The following MAEA variants were observed in gnomAD, a reference collection of about 807,000 sequenced individuals.
MAEA encodes macrophage erythroblast attacher, E3 ubiquitin ligase.
In MAEA, 22 loss-of-function variants were observed where a neutral mutation model predicts 46.2. The observed-to-expected ratio is 0.48, with a 90% CI of 0.34 to 0.68. The LOEUF (loss-of-function observed/expected upper bound fraction) is 0.68, where lower values mean the gene tolerates loss of function less well. Ranked by LOEUF, MAEA falls within the 30% of genes least tolerant of loss-of-function variation. MAEA has a pLI of 0.01. For missense variants in MAEA, 393 were observed against 558.1 expected, an observed-to-expected ratio of 0.70 and a Z score of 2.98; for synonymous variants, 246 against 222.6, an observed-to-expected ratio of 1.11 and a Z score of -0.94.
chr4:1,301,422 G>T (rs1450968692), intron 1 of MAEA, among the ~76,000 whole-genome samples: 1 of 152,238 alleles, frequency 6.6e-6, no homozygotes, highest in African/African-American at 2.4e-5. Context: ...TCGCTAAGTA[G>T]AGAAATCCCG....
intron 1 of MAEA, among the ~76,000 whole-genome samples, chr4:1,306,199 G>A (rs966535107): frequency 8.5e-5 from 13 of 152,206 alleles, no homozygotes; most frequent in Admixed American, 3.3e-4. Flanking sequence ...ACCTGGCAGC[G>A]TCAAATGGAC....
chr4:1,293,728 GA>G (rs1241482238), intron 1 of MAEA, among the ~76,000 whole-genome samples: 1 of 152,246 alleles, frequency 6.6e-6, no homozygotes, highest in Non-Finnish European at 1.5e-5. Flanking sequence ...GACAGGCTGA[GA>G]AACACCGGGC....
intron 1 of MAEA, among the ~76,000 whole-genome samples, chr4:1,305,146 G>A (rs192716869): frequency 5.3e-5 from 8 of 151,572 alleles, no homozygotes; most frequent in African/African-American, 1.7e-4. Context: ...TTGGTGGATC[G>A]TTAAGGTTTT....
rs144157862 is a variant in MAEA, at chr4:1,332,595, C to T, written c.657-162C>T. ...AGCTAGGTGTGGTGCTGCACATCTG[C>T]GGTCTCAGCTTCTCGGGAAGATCGC... On this transcript the variant is annotated intron_variant, in intron 5 of 8. Transcript: ENST00000303400. 1.2e-3 allele frequency: 695 copies of T among 567,068 alleles called. 8 individuals carry two copies. The highest frequency in any genetic ancestry group is 0.011 in the African/African-American group (592 of 52,542). 35.1% of individuals were successfully genotyped at this position (567,068 alleles called of 1,614,324 possible).
At chr4:1,317,844 C>T (rs756345841) in intron 3 of MAEA, among the ~76,000 whole-genome samples, 1 of 152,172 alleles carries the variant, frequency 6.6e-6, no homozygotes, top group Non-Finnish European at 1.5e-5. Context: ...CCGAAGTCTC[C>T]AGGTCATGAC....
At chr4:1,298,006 G>A (rs1261693224) in intron 1 of MAEA, 1 of 456,252 alleles carries the variant, frequency 2.2e-6, no homozygotes, top group Non-Finnish European at 4.4e-6. Context: ...ACTGGCCACA[G>A]AAGCCGCACC....
chr4:1,335,333 C>T (rs913110059), intron 6 of MAEA: 2 of 985,382 alleles, frequency 2.0e-6, no homozygotes, highest in Non-Finnish European at 2.4e-6. Context: ...ACAGGTTGCA[C>T]ACATTCCAGA....
intron 1 of MAEA, among the ~76,000 whole-genome samples, chr4:1,301,726 G>GTAAA (rs143016100): frequency 0.15 from 23,340 of 152,042 alleles, 3,437 homozygotes; most frequent in East Asian, 0.42. Context: ...AAGTGAATAA[G>GTAAA]TAAAAATAAA....
chr4:1,314,976 A>G (rs1007519388), intron 2 of MAEA, among the ~76,000 whole-genome samples: 2 of 152,226 alleles, frequency 1.3e-5, no homozygotes, highest in African/African-American at 2.4e-5. Context: ...GTTGGGCAGC[A>G]CAGGCCTGGA....
intron 1 of MAEA, chr4:1,298,127 T>C (rs1734946728): frequency 2.2e-6 from 1 of 454,216 alleles, no homozygotes; most frequent in South Asian, 1.6e-5. Context: ...TACTGTTCCA[T>C]ATGCCCCTCC....
In MAEA at chr4:1,338,425, G is replaced by C; in HGVS notation, c.903G>C (p.Gln301His). The C allele has an allele frequency of 6.2e-7, 1 of 1,611,302 alleles. No homozygotes were observed. Among genetic ancestry groups the C allele is most frequent in the Non-Finnish European group, 8.5e-7 (1 of 1,178,712 alleles). Residue 301 changes from glutamine (Q) to histidine (H), a missense_variant, in exon 8 of 9, where the codon CAG (glutamine) becomes CAC (histidine). By Grantham distance (24) the Gln-to-His change is conservative. This residue lies in a region of MAEA where 358 missense variants were observed against 537.9 expected (regional missense o/e 0.67). Transcript: ENST00000303400. ...CCTTCCTTGACCCGATGCTCAGACA[G>C]TGCTACAAGGAGGACGGCAGCTCCA... Reference protein sequence around the residue: ...QAGLSAIKTPQCYKEDGSSKS... With the variant: ...QAGLSAIKTPHCYKEDGSSKS...
chr4:1,308,393 C>T (rs1736037689), intron 1 of MAEA, among the ~76,000 whole-genome samples: 2 of 152,212 alleles, frequency 1.3e-5, no homozygotes, highest in Non-Finnish European at 2.9e-5. Context: ...GCTTCTGCCT[C>T]GTGGCTGCCA....
intron 1 of MAEA, among the ~76,000 whole-genome samples, chr4:1,303,944 G>T (rs1303298187): frequency 1.8e-5 from 2 of 109,190 alleles, no homozygotes; most frequent in Non-Finnish European, 3.2e-5. Flanking sequence ...GCAGGGCAGG[G>T]TGGGGGTCGG....
At chr4:1,326,676 CCT>C (rs1174445186) in intron 4 of MAEA, among the ~76,000 whole-genome samples, 3 of 150,970 alleles carry the variant, frequency 2.0e-5, no homozygotes, top group Non-Finnish European at 4.4e-5. Flanking sequence ...CCCAACTCGG[CCT>C]CTCTCCGTCT....
intron 7 of MAEA, 126 bp from the exon 8 acceptor site, chr4:1,338,296 C>T (rs1207573575): frequency 7.1e-6 from 5 of 702,628 alleles, no homozygotes; most frequent in South Asian, 3.7e-5. Context: ...AAGACAGCCC[C>T]GTGTAGTCAG....
At chr4:1,307,069 T>A (rs1240803064) in intron 1 of MAEA, among the ~76,000 whole-genome samples, 1 of 152,244 alleles carries the variant, frequency 6.6e-6, no homozygotes, top group Non-Finnish European at 1.5e-5. Context: ...ACTCTAGCTT[T>A]ATGAGAAGTC....
At chr4:1,290,068 C>G (rs1339093520) in intron 1 of MAEA, 86 bp downstream of exon 1, 10 of 1,056,318 alleles carry the variant, frequency 9.5e-6, no homozygotes, top group Non-Finnish European at 1.1e-5. Flanking sequence ...CCCGGGAGGG[C>G]CAGCGGCGAG....
At chr4:1,337,553 A>T (rs1294652318) in intron 7 of MAEA, 2 of 182,300 alleles carry the variant, frequency 1.1e-5, no homozygotes, top group Non-Finnish European at 2.4e-5. Context: ...CCTGTGACTG[A>T]GTCTGTCCCG....
chr4:1,301,733 T>C (rs75023965), intron 1 of MAEA, among the ~76,000 whole-genome samples: 23,360 of 151,554 alleles, frequency 0.15, 3,440 homozygotes, highest in East Asian at 0.42. Flanking sequence ...TAAGTAAAAA[T>C]AAATAAGCAC....
Sources: gnomAD v4.1 joint callset for allele counts (sites outside exome capture counted in the v4.1 genomes callset) on GRCh38, gnomAD v4.1.1 for gene constraint, gnomAD v4.1.1 regional missense constraint, MANE v1.5 for transcripts, NCBI Gene and HGNC (gene_info 2026-07-23, HGNC 2026-07-21) for gene names.